DAB1: variants seen among roughly 807,000 people sequenced by gnomAD.
DAB1 encodes the protein disabled homolog 1.
DAB1 carries 15 observed loss-of-function variants against 64.6 expected under a neutral mutation model. That is an observed-to-expected ratio of 0.23 (90% CI 0.16 to 0.36). DAB1 has a LOEUF of 0.36. Among genes scored for constraint, DAB1 ranks in the 10% least tolerant of loss-of-function variants. The pLI is 1.00. For missense variants in DAB1, 596 were observed against 706.7 expected (o/e 0.84, Z 1.78); for synonymous variants, 235 against 251.9 (o/e 0.93, Z 0.64).
intron 3 of DAB1, among the ~76,000 whole-genome samples, chr1:58,437,938 A>C (rs185227345): frequency 6.6e-6 from 1 of 152,182 alleles, no homozygotes; most frequent in African/African-American, 2.4e-5. Context: ...ATGCAGGGGG[A>C]TCACACCTTT....
At chr1:57,514,168 A>C (rs1644437429) in intron 7 of DAB1, among the ~76,000 whole-genome samples, 2 of 152,166 alleles carry the variant, frequency 1.3e-5, no homozygotes, top group Non-Finnish European at 2.9e-5. Context: ...CATCTTTTTA[A>C]AATACTGATT....
chr1:57,254,574 G>A (rs1320915303), intron 2 of DAB1, among the ~76,000 whole-genome samples: 1 of 152,092 alleles, frequency 6.6e-6, no homozygotes, highest in African/African-American at 2.4e-5. Flanking sequence ...GATACACTAA[G>A]AATTCAAATA....
chr1:58,305,183 CA>C (rs1662277974), intron 4 of DAB1, among the ~76,000 whole-genome samples: 1 of 152,104 alleles, frequency 6.6e-6, no homozygotes, highest in Non-Finnish European at 1.5e-5. Context: ...CCCCCTGCTT[CA>C]GCCTCCCAAG....
chr1:57,235,500 G>A (rs1029726104), intron 2 of DAB1, among the ~76,000 whole-genome samples: 2 of 152,114 alleles, frequency 1.3e-5, no homozygotes, highest in Non-Finnish European at 2.9e-5. Flanking sequence ...GAGTGATTAC[G>A]ATTTAAATGA....
intron 3 of DAB1, among the ~76,000 whole-genome samples, chr1:58,481,332 G>A (rs1037477570): frequency 6.6e-6 from 1 of 151,988 alleles, no homozygotes; most frequent in Non-Finnish European, 1.5e-5. Flanking sequence ...GAGAACCACT[G>A]AAAAATCTAC....
chr1:57,888,464 A>G (rs1030050930), upstream of DAB1, among the ~76,000 whole-genome samples: 16 of 152,250 alleles, frequency 1.1e-4, 1 homozygote, highest in African/African-American at 3.6e-4. Flanking sequence ...TTTGTTCCCA[A>G]TTTATCAAAA....
chr1:58,354,274 C>A lies in DAB1; in HGVS notation n.258-10871G>T, dbSNP rs189976746. Reference sequence around the variant, plus strand: ...AAGGATGGTCAGACCTATTCGAATTCAAGCGAGGAATGACACTTGGGACAC... The same window carrying A: ...AAGGATGGTCAGACCTATTCGAATTAAAGCGAGGAATGACACTTGGGACAC... On this transcript the variant is annotated intron_variant and non_coding_transcript_variant, in intron 3 of 20. Transcript: ENST00000485760. Among the ~76,000 whole-genome samples, 1,403 of 152,162 alleles carry A rather than the reference C, an allele frequency of 9.2e-3. 20 individuals carry two copies. Among genetic ancestry groups the A allele is most frequent in the African/African-American group, 0.032 (1,322 of 41,522 alleles).
At chr1:57,072,620 A>T (rs1239848021) in intron 4 of DAB1, among the ~76,000 whole-genome samples, 1 of 152,204 alleles carries the variant, frequency 6.6e-6, no homozygotes, top group Admixed American at 6.5e-5. Flanking sequence ...ACCAGAGAGA[A>T]ACATAGGATT....
At chr1:57,197,172 C>A (rs1045893159) in intron 2 of DAB1, among the ~76,000 whole-genome samples, 1 of 152,022 alleles carries the variant, frequency 6.6e-6, no homozygotes, top group Non-Finnish European at 1.5e-5. Flanking sequence ...CCCATCTCTA[C>A]TAAAAAAACA....
chr1:58,288,684 T>C (rs561550219), intron 4 of DAB1, among the ~76,000 whole-genome samples: 1 of 152,338 alleles, frequency 6.6e-6, no homozygotes, highest in South Asian at 2.1e-4. Context: ...GCTATTATTT[T>C]AAGTTCATAA....
intron 3 of DAB1, among the ~76,000 whole-genome samples, chr1:58,483,896 G>C (rs1253284845): frequency 2.6e-5 from 4 of 152,146 alleles, no homozygotes; most frequent in Non-Finnish European, 4.4e-5. Context: ...TGCTATATCA[G>C]TGTAGTGCCT....
chr1:57,919,901 A>C (rs1644784222), intron 5 of DAB1, among the ~76,000 whole-genome samples: 1 of 152,176 alleles, frequency 6.6e-6, no homozygotes, highest in South Asian at 2.1e-4. Context: ...ATTGAAAACA[A>C]ATCCTCTTAA....
chr1:57,636,324 A>C (rs539553256), intron 7 of DAB1, among the ~76,000 whole-genome samples: 1 of 152,152 alleles, frequency 6.6e-6, no homozygotes, highest in South Asian at 2.1e-4. Flanking sequence ...GAGAAAATAA[A>C]TGTCTGTTGT....
intron 4 of DAB1, among the ~76,000 whole-genome samples, chr1:58,287,548 A>G (rs1200873567): frequency 6.6e-6 from 1 of 150,606 alleles, no homozygotes; most frequent in Non-Finnish European, 1.5e-5. Flanking sequence ...AAGGGTCATC[A>G]ACTAGGCATA....
At chr1:56,999,992 A>G (rs1216844600) in intron 14 of DAB1, among the ~76,000 whole-genome samples, 1 of 149,250 alleles carries the variant, frequency 6.7e-6, no homozygotes, top group Non-Finnish European at 1.5e-5. Context: ...ACGGAAGCCC[A>G]TTCTTCCATG....
chr1:57,785,076 C>A (rs1253977430), intron 6 of DAB1, among the ~76,000 whole-genome samples: 1 of 152,172 alleles, frequency 6.6e-6, no homozygotes, highest in African/African-American at 2.4e-5. Context: ...CAGAATTATG[C>A]TAAATCTACT....
chr1:58,355,350 C>G (rs1282470931), intron 3 of DAB1, among the ~76,000 whole-genome samples: 2 of 152,160 alleles, frequency 1.3e-5, no homozygotes, highest in African/African-American at 4.8e-5. Context: ...TTAATTATCT[C>G]TAGATAGAGT....
rs1320974293 is a variant in DAB1 at position 58,047,356 on chromosome 1, T to G, written n.387+103155A>C. 2.0e-5 allele frequency among the ~76,000 whole-genome samples: 3 copies of G among 152,236 alleles called. No homozygotes were observed. In the East Asian group the frequency reaches 5.8e-4, roughly 29 times the overall value. On this transcript the variant is annotated intron_variant and non_coding_transcript_variant, in intron 5 of 20. Coordinates refer to the DAB1 transcript ENST00000485760. ...ATTTCAACAAGTGGCACTAGCCACA[T>G]TTCAGGTGCCCAATAGCCACGTGTG...
At chr1:58,285,766 A>T (rs1661665221) in intron 4 of DAB1, among the ~76,000 whole-genome samples, 1 of 152,228 alleles carries the variant, frequency 6.6e-6, no homozygotes, top group Non-Finnish European at 1.5e-5. Flanking sequence ...ATTCAATGCT[A>T]TTCCTATTAC....
Sources: gnomAD v4.1 joint callset for allele counts (sites outside exome capture counted in the v4.1 genomes callset) on GRCh38, gnomAD v4.1.1 for gene constraint, MANE v1.5 for transcripts, NCBI Gene and HGNC (gene_info 2026-07-23, HGNC 2026-07-21) for gene names.